The following MAP2K5 variants were observed in gnomAD, a reference collection of about 807,000 sequenced individuals.
MAP2K5 encodes dual specificity mitogen-activated protein kinase kinase 5.
Under a neutral mutation model 83.1 loss-of-function variants are expected in MAP2K5, and 49 were observed. That is an observed-to-expected ratio of 0.59 (90% CI 0.47 to 0.75). The LOEUF is 0.75. Among genes scored for constraint, MAP2K5 ranks in the 30% least tolerant of loss-of-function variants. The pLI is 0.00. For missense variants in MAP2K5, 457 were observed against 557.5 expected, an observed-to-expected ratio of 0.82 and a Z score of 1.82; for synonymous variants, 202 against 191.8, an observed-to-expected ratio of 1.05 and a Z score of -0.44.
At position 67,640,247 on chromosome 15, in the gene MAP2K5, G is replaced by C. The variant is rs2086684920; in HGVS notation, c.586-5984G>C. Among the ~76,000 whole-genome samples the C allele has an allele frequency of 6.6e-6, 1 of 152,136 alleles. No homozygotes were observed. Among genetic ancestry groups the C allele is most frequent in the Admixed American group, 6.6e-5 (1 of 15,266 alleles). ...TGAATAAATTTTTGTTCTTCTGTTTGTTCTTTAGTTCATTCATCTTTTAAA... is the reference window on the plus strand; with the variant it reads ...TGAATAAATTTTTGTTCTTCTGTTTCTTCTTTAGTTCATTCATCTTTTAAA... On this transcript the variant is annotated intron_variant, in intron 9 of 21. Coordinates refer to ENST00000178640, the MANE Select transcript of MAP2K5 (RefSeq NM_145160.3). The surrounding 1 kb of genome is among the most constrained non-coding windows in gnomAD (Gnocchi z 4.6).
In MAP2K5 at chr15:67,800,955, G is replaced by C. The variant is rs549178736; in HGVS notation, c.1243-5691G>C. ...CAAGGTAACAGATCACCAGTATTCA[G>C]TGTAACCCTTTGACCATAGTTGAGT... On this transcript the variant is annotated intron_variant, in intron 21 of 21. Coordinates refer to ENST00000178640, the MANE Select transcript of MAP2K5 (RefSeq NM_145160.3). 2.6e-5 allele frequency among the ~76,000 whole-genome samples: 4 copies of C among 152,310 alleles called. No individual in the cohort carries two copies. The South Asian group carries it at 6.2e-4, about 24-fold the overall frequency.
At chr15:67,578,242 A>G (rs1485449488) in intron 3 of MAP2K5, among the ~76,000 whole-genome samples, 1 of 152,188 alleles carries the variant, frequency 6.6e-6, no homozygotes, top group East Asian at 1.9e-4. Context: ...ACTGAGCAGC[A>G]TGGACCTGGT....
intron 20 of MAP2K5, among the ~76,000 whole-genome samples, chr15:67,771,926 T>C (rs2090150065): frequency 6.6e-6 from 1 of 152,170 alleles, no homozygotes. Flanking sequence ...TTAGAACAAA[T>C]ACAGCCATCA....
chr15:67,642,976 C>T (rs2086746435), intron 9 of MAP2K5, among the ~76,000 whole-genome samples: 1 of 152,036 alleles, frequency 6.6e-6, no homozygotes, highest in African/African-American at 2.4e-5. Context: ...GCTTTTGAAA[C>T]CTTAAATAAG....
At chr15:67,742,754 C>A (rs2089522266) in intron 17 of MAP2K5, among the ~76,000 whole-genome samples, 1 of 152,164 alleles carries the variant, frequency 6.6e-6, no homozygotes, top group South Asian at 2.1e-4. Flanking sequence ...GCTTTCCTTG[C>A]AAAATTCAAG....
rs1596970309 is a variant in MAP2K5, at chr15:67,785,137, GT to G, written c.1242+12388del. 1.3e-5 allele frequency among the ~76,000 whole-genome samples: 2 copies of G among 152,106 alleles called. No homozygotes were observed. Among genetic ancestry groups the G allele is most frequent in the East Asian group, 3.9e-4 (2 of 5,182 alleles). ...TTTTTGTATTTTCAGTAGAGACGGG[GT>G]TTCCCCATGTTGCCCAGGCTGGTCT... On this transcript the variant is annotated intron_variant, in intron 21 of 21. Transcript: ENST00000178640. This position sits in a 1 kb window ranked among gnomAD's most constrained non-coding sequence, Gnocchi z 4.4.
At chr15:67,711,579 A>C (rs1357505247) in intron 16 of MAP2K5, among the ~76,000 whole-genome samples, 1 of 152,240 alleles carries the variant, frequency 6.6e-6, no homozygotes, top group East Asian at 1.9e-4. Context: ...TAATTTGGTT[A>C]AAGATGGTGC....
intron 15 of MAP2K5, among the ~76,000 whole-genome samples, chr15:67,697,781 A>C (rs1234286846): frequency 2.0e-5 from 3 of 152,258 alleles, no homozygotes; most frequent in Non-Finnish European, 2.9e-5. Flanking sequence ...ATATATCAGA[A>C]TGAAATAGCC....
intron 3 of MAP2K5, among the ~76,000 whole-genome samples, chr15:67,569,597 CT>C (rs762531151): frequency 6.6e-6 from 1 of 152,142 alleles, no homozygotes; most frequent in Non-Finnish European, 1.5e-5. Context: ...GTAGTGACCC[CT>C]TTTAGCCCCT....
intron 15 of MAP2K5, among the ~76,000 whole-genome samples, chr15:67,695,286 T>C (rs1470313484): frequency 6.6e-6 from 1 of 152,090 alleles, no homozygotes; most frequent in Non-Finnish European, 1.5e-5. Context: ...AAAAAAGATT[T>C]AGGGATGGAA....
rs904063555 is a variant in MAP2K5, at chr15:67,768,761, C to T, written c.1135-841C>T. ...GTCTAATGAGATGACTGTTAAAGTA[C>T]TCTGCAGTGTAATTTTATTACATCC... is the stretch of plus-strand genomic sequence containing the variant. On this transcript the variant is annotated intron_variant, in intron 19 of 21. Coordinates refer to ENST00000178640, the MANE Select transcript of MAP2K5 (RefSeq NM_145160.3). This position sits in a 1 kb window ranked among gnomAD's most constrained non-coding sequence, Gnocchi z 4.0. 3.9e-5 allele frequency among the ~76,000 whole-genome samples: 6 copies of T among 152,198 alleles called. No homozygotes were observed. The highest frequency in any genetic ancestry group is 1.4e-4 in the African/African-American group (6 of 41,434).
chr15:67,572,971 C>G lies in MAP2K5; in HGVS notation c.253-7783C>G, dbSNP rs1033732482. Among the ~76,000 whole-genome samples the G allele has an allele frequency of 2.0e-5, 3 of 152,176 alleles. No homozygotes were observed. The highest frequency in any genetic ancestry group is 7.2e-5 in the African/African-American group (3 of 41,448). On this transcript the variant is annotated intron_variant, in intron 3 of 21. Transcript: ENST00000178640. This position sits in a 1 kb window ranked among gnomAD's most constrained non-coding sequence, Gnocchi z 4.2. Reference sequence around the variant, plus strand: ...TCGGCCTGCCAAAGTGCTGGGATTACAGGCGTGAGCCACCGTGCCTGGCCT... The same window carrying G: ...TCGGCCTGCCAAAGTGCTGGGATTAGAGGCGTGAGCCACCGTGCCTGGCCT...
chr15:67,581,615 A>T (rs1012467972), intron 4 of MAP2K5, among the ~76,000 whole-genome samples: 1 of 152,238 alleles, frequency 6.6e-6, no homozygotes, highest in African/African-American at 2.4e-5. Flanking sequence ...CTTAATTGAA[A>T]TAATTAAAAG....
chr15:67,763,825 T>G (rs1367861678), intron 19 of MAP2K5, among the ~76,000 whole-genome samples: 1 of 152,170 alleles, frequency 6.6e-6, no homozygotes, highest in Non-Finnish European at 1.5e-5. Flanking sequence ...CCCCTAGAAT[T>G]ACAAATGACC....
rs1567307144 is a variant in MAP2K5, at chr15:67,609,524, TGTAGATTCTGTAG to T, written c.545+8776_545+8788del. Among the ~76,000 whole-genome samples the T allele has an allele frequency of 1.9e-4, 21 of 110,042 alleles. 5 individuals carry two copies. Among genetic ancestry groups the T allele is most frequent in the Non-Finnish European group, 3.3e-4 (16 of 49,026 alleles). 72.2% of individuals were successfully genotyped at this position (110,042 alleles called of 152,430 possible). On this transcript the variant is annotated intron_variant, in intron 8 of 21. Transcript: ENST00000178640. ...ATTCTGTAGACCTATTCTATAGGTCTGTAGATTCTGTAGACCTATTCTATAGGTCTGTAGATTC... is the reference window on the plus strand; with the variant it reads ...ATTCTGTAGACCTATTCTATAGGTCTACCTATTCTATAGGTCTGTAGATTC...
intron 16 of MAP2K5, among the ~76,000 whole-genome samples, chr15:67,706,404 AT>A: frequency 6.6e-6 from 1 of 152,360 alleles, no homozygotes; most frequent in East Asian, 1.9e-4. Flanking sequence ...AAGTGTCAGC[AT>A]TGAGTGTGGG....
chr15:67,588,148 C>G, intron 6 of MAP2K5: 2 of 976,212 alleles, frequency 2.0e-6, no homozygotes, highest in Non-Finnish European at 2.4e-6. Flanking sequence ...CAGTGAAGAG[C>G]CCTTCACATA....
Position 67,786,325 on chromosome 15 carries a change from C to G in MAP2K5, c.1242+13573C>G, listed in dbSNP as rs567311993. Among the ~76,000 whole-genome samples, 1 of 152,254 alleles carries G rather than the reference C, an allele frequency of 6.6e-6. No homozygotes were observed. Among genetic ancestry groups the G allele is most frequent in the South Asian group, 2.1e-4 (1 of 4,804 alleles). ...AAACAAGATGAAGCACATTCCTCCC[C>G]ACTCACTGGAAGCCATAACTTTTCA... On this transcript the variant is annotated intron_variant, in intron 21 of 21. Coordinates refer to ENST00000178640, the MANE Select transcript of MAP2K5 (RefSeq NM_145160.3). This position sits in a 1 kb window ranked among gnomAD's most constrained non-coding sequence, Gnocchi z 4.7.
rs1256159891 is a variant in MAP2K5, at chr15:67,785,376, C to T, written c.1242+12624C>T. Among the ~76,000 whole-genome samples the T allele has an allele frequency of 2.6e-5, 4 of 152,188 alleles. No individual in the cohort carries two copies. The highest frequency in any genetic ancestry group is 6.5e-5 in the Admixed American group (1 of 15,276). On this transcript the variant is annotated intron_variant, in intron 21 of 21. Transcript: ENST00000178640. This position sits in a 1 kb window ranked among gnomAD's most constrained non-coding sequence, Gnocchi z 4.4. ...CGTTGTGAGCGAAGAAAGCTGTTTG[C>T]GGTTCACATTGCAGCATGGCTACTT...
Sources: allele counts gnomAD v4.1 joint callset (sites outside exome capture counted in the v4.1 genomes callset), GRCh38; gene constraint gnomAD v4.1.1; non-coding constraint Gnocchi (gnomAD v3.1); transcripts MANE v1.5; gene names NCBI Gene and HGNC (gene_info 2026-07-23, HGNC 2026-07-21).